Variants in UBE4B observed in about 807,000 individuals in gnomAD.
UBE4B encodes ubiquitin conjugation factor E4 B.
A neutral mutation model predicts 148.1 loss-of-function variants in UBE4B; 27 were observed. The observed-to-expected ratio is 0.18, with a 90% confidence interval of 0.13 to 0.25. UBE4B has a LOEUF of 0.25. UBE4B is among the 10% of genes least tolerant of loss of function. The probability of loss-of-function intolerance (pLI) is 1.00; values close to 1 mark genes in which losing one functional copy is unlikely to be tolerated. For synonymous variants in UBE4B, 596 were observed against 619.3 expected, an observed-to-expected ratio of 0.96 and a Z score of 0.56; for missense variants, 1,170 against 1,662.4, an observed-to-expected ratio of 0.70 and a Z score of 5.15.
intron 1 of UBE4B, among the ~76,000 whole-genome samples, chr1:10,037,120 C>T (rs755052017): frequency 2.0e-5 from 3 of 151,856 alleles, no homozygotes; most frequent in South Asian, 2.1e-4. Context: ...CTCTGCCTCC[C>T]GGGTTCAAGC....
chr1:10,160,431 G>A (rs1334133575), intron 22 of UBE4B, among the ~76,000 whole-genome samples: 1 of 152,170 alleles, frequency 6.6e-6, no homozygotes, highest in Non-Finnish European at 1.5e-5. Flanking sequence ...CATTGAGGGA[G>A]TGAGCTAGGG....
intron 11 of UBE4B, among the ~76,000 whole-genome samples, chr1:10,127,647 A>G (rs1029341841): frequency 6.6e-6 from 1 of 152,232 alleles, no homozygotes; most frequent in African/African-American, 2.4e-5. Flanking sequence ...AATTGAGACC[A>G]TGGTTGTTTT....
intron 5 of UBE4B, 59 bp downstream of exon 5, chr1:10,103,151 G>T: frequency 6.7e-7 from 1 of 1,495,900 alleles, no homozygotes; most frequent in Non-Finnish European, 9.0e-7. Context: ...TAAGATGTGA[G>T]ATCTTTGCCC....
In UBE4B at chr1:10,092,273, G is replaced by A. The variant is rs368823983; in HGVS notation, c.212-3188G>A. On this transcript the variant is annotated intron_variant, in intron 2 of 27. Coordinates refer to ENST00000343090, the MANE Select transcript of UBE4B (RefSeq NM_001105562.3). The stretch of plus-strand genomic sequence containing the variant: ...AGAATCTTGCTCTGTCACCCAGGCC[G>A]GAGTGCCGTGGCACGATCTTGGCTC... Among the ~76,000 whole-genome samples the A allele has an allele frequency of 1.4e-3, 212 of 152,096 alleles. 5 individuals carry two copies. The East Asian group carries it at 0.035, about 25-fold the overall frequency.
chr1:10,089,597 C>T (rs1003620548), intron 2 of UBE4B, among the ~76,000 whole-genome samples: 2 of 151,896 alleles, frequency 1.3e-5, no homozygotes, highest in Admixed American at 6.6e-5. Context: ...AACGCTTTAG[C>T]TTAATTCATT....
chr1:10,107,495 C>T, intron 7 of UBE4B: 4 of 1,116,332 alleles, frequency 3.6e-6, no homozygotes, highest in Non-Finnish European at 3.4e-6. Flanking sequence ...GAGGTGGGCT[C>T]CAGAGTATAT....
At chr1:10,109,813 G>C (rs1022626602) in intron 7 of UBE4B, among the ~76,000 whole-genome samples, 5 of 152,094 alleles carry the variant, frequency 3.3e-5, no homozygotes, top group African/African-American at 1.2e-4. Context: ...ACCACACCTG[G>C]CTAATTTTTG....
chr1:10,157,932 AATAG>A (rs1321028251), intron 21 of UBE4B, among the ~76,000 whole-genome samples: 2 of 152,230 alleles, frequency 1.3e-5, no homozygotes, highest in Admixed American at 6.5e-5. Context: ...AAAAATGGTC[AATAG>A]ATAGACACAT....
rs2101893335 is a variant in UBE4B at position 10,105,419 on chromosome 1, T to C, written c.581-97T>C. 4.1e-6 allele frequency: 4 copies of C among 979,726 alleles called. No individual in the cohort carries two copies. In the South Asian group the frequency reaches 4.2e-5, roughly 10 times the overall value. 60.7% of individuals were successfully genotyped at this position (979,726 alleles called of 1,614,324 possible). A position where few individuals can be genotyped will look rare whatever the true frequency, so the allele number is the denominator to read the frequency against. On this transcript the variant is annotated intron_variant, in intron 5 of 27. Transcript: ENST00000343090. Reference sequence around the variant, plus strand: ...CATTCCAGAATCTAATCCAGGATACTGCATCGAACCATTTGGGGTCAGCTG... The same window carrying C: ...CATTCCAGAATCTAATCCAGGATACCGCATCGAACCATTTGGGGTCAGCTG...
Position 10,072,099 on chromosome 1 carries a change from C to T in UBE4B, c.96C>T (p.Pro32=), listed in dbSNP as rs201875729. The change falls in exon 2 of 28, where the codon CCC becomes CCT. Residue 32 remains proline, a synonymous_variant. Coordinates refer to ENST00000343090, the MANE Select transcript of UBE4B (RefSeq NM_001105562.3). ...TSQPTTPLTS[P]QRENPPGPPI... is the part of the protein sequence containing the mutation. ...AGCCAACCACCCCACTCACCTCTCC[C>T]CAGAGGGAGAACCCTCCGGGGCCTC... is the stretch of plus-strand genomic sequence containing the variant. 2.5e-6 allele frequency: 4 copies of T among 1,613,434 alleles called. No individual in the cohort carries two copies. In the East Asian group the frequency reaches 8.9e-5, roughly 36 times the overall value.
intron 7 of UBE4B, among the ~76,000 whole-genome samples, chr1:10,108,589 A>G (rs1645161812): frequency 6.6e-6 from 1 of 152,216 alleles, no homozygotes; most frequent in African/African-American, 2.4e-5. Flanking sequence ...GCACTGTTCA[A>G]AAATAACTCC....
At chr1:10,149,388 T>A in intron 20 of UBE4B, 106 bp downstream of exon 20, 1 of 822,158 alleles carries the variant, frequency 1.2e-6, no homozygotes, top group Non-Finnish European at 1.8e-6. Context: ...AAATTTGATG[T>A]AACTGTTTTA....
chr1:10,178,076 T>A (rs1571044756), intron 25 of UBE4B, among the ~76,000 whole-genome samples: 1 of 152,134 alleles, frequency 6.6e-6, no homozygotes, highest in East Asian at 1.9e-4. Flanking sequence ...ACCAGGGTGG[T>A]CTAACGTCCA....
chr1:10,159,548 G>A (rs779377791), intron 22 of UBE4B, among the ~76,000 whole-genome samples: 5 of 152,100 alleles, frequency 3.3e-5, no homozygotes, highest in Non-Finnish European at 5.9e-5. Flanking sequence ...TGGTGGGCGC[G>A]GTGGCGGGCG....
chr1:10,063,782 C>T (rs1380893576), intron 1 of UBE4B, among the ~76,000 whole-genome samples: 1 of 151,944 alleles, frequency 6.6e-6, no homozygotes, highest in East Asian at 1.9e-4. Flanking sequence ...GTGGCGGGTG[C>T]CTGTAATCCC....
chr1:10,102,175 G>A (rs530793280), intron 4 of UBE4B, among the ~76,000 whole-genome samples: 10 of 152,044 alleles, frequency 6.6e-5, no homozygotes, highest in African/African-American at 2.4e-4. Context: ...ATTTTGTATA[G>A]TTCTTTAATG....
intron 2 of UBE4B, among the ~76,000 whole-genome samples, chr1:10,081,092 C>T (rs934310590): frequency 2.0e-5 from 3 of 152,214 alleles, no homozygotes; most frequent in South Asian, 4.1e-4. Context: ...GACGAAGTTT[C>T]GCTCTTGTTG....
intron 25 of UBE4B, among the ~76,000 whole-genome samples, chr1:10,172,182 A>C (rs1185563663): frequency 2.0e-5 from 3 of 151,926 alleles, no homozygotes; most frequent in Admixed American, 2.0e-4. Flanking sequence ...TGTGTGCTTC[A>C]TTTCCACAGC....
At chr1:10,119,109 C>T (rs1318764291) in intron 8 of UBE4B, among the ~76,000 whole-genome samples, 3 of 151,690 alleles carry the variant, frequency 2.0e-5, no homozygotes, top group Middle Eastern at 6.8e-3. Flanking sequence ...CGTCGATCTC[C>T]TGACCTTGTG....
Sources: gnomAD v4.1 joint callset for allele counts (sites outside exome capture counted in the v4.1 genomes callset) on GRCh38, gnomAD v4.1.1 for gene constraint, MANE v1.5 for transcripts, NCBI Gene and HGNC (gene_info 2026-07-23, HGNC 2026-07-21) for gene names.